HIVEP1: variants seen among roughly 807,000 people sequenced by gnomAD.
HIVEP1 encodes zinc finger protein 40.
In HIVEP1, 36 loss-of-function variants were observed where a neutral mutation model predicts 180.0. The ratio of observed to expected loss-of-function variants is 0.20; its 90% CI spans 0.15 to 0.26. The LOEUF is 0.26. HIVEP1 is among the 10% of genes least tolerant of loss of function. The probability of loss-of-function intolerance (pLI) is 1.00; values close to 1 mark genes in which losing one functional copy is unlikely to be tolerated. For missense variants in HIVEP1, 3,143 were observed against 3,268.7 expected (o/e 0.96, Z 0.94); for synonymous variants, 1,239 against 1,239.0 (o/e 1.00, Z 0.00).
chr6:12,139,495 G>A (rs542844828), intron 7 of HIVEP1, among the ~76,000 whole-genome samples: 2 of 152,198 alleles, frequency 1.3e-5, no homozygotes, highest in Non-Finnish European at 2.9e-5. Flanking sequence ...TGGACAGTGG[G>A]TGCAGCCCAC....
At chr6:12,167,581 C>CAT (rs55679474), downstream of HIVEP1, among the ~76,000 whole-genome samples, 54,415 of 64,530 alleles carry the variant, frequency 0.84, 25,411 homozygotes, top group Non-Finnish European at 0.89. Context: ...GTTATATATA[C>CAT]GTTATATTAC....
chr6:12,044,150 G>A (rs555271068), intron 2 of HIVEP1, among the ~76,000 whole-genome samples: 26 of 152,190 alleles, frequency 1.7e-4, no homozygotes, highest in African/African-American at 5.5e-4. Flanking sequence ...ATGGCACGGC[G>A]CAAATGGGTT....
chr6:12,136,341 C>T (rs1042672813), intron 7 of HIVEP1, among the ~76,000 whole-genome samples: 1 of 152,162 alleles, frequency 6.6e-6, no homozygotes, highest in African/African-American at 2.4e-5. Context: ...AGCCCTCACT[C>T]CCCACACAAA....
the HIVEP1 span, among the ~76,000 whole-genome samples, chr6:12,174,637 A>G: frequency 6.6e-6 from 1 of 152,214 alleles, no homozygotes; most frequent in Non-Finnish European, 1.5e-5. Context: ...ATCCTTCAAA[A>G]AAAGAAGAAG....
downstream of HIVEP1, among the ~76,000 whole-genome samples, chr6:12,168,653 TATG>T (rs1422793424): frequency 6.6e-6 from 1 of 151,962 alleles, no homozygotes; most frequent in African/African-American, 2.4e-5. Flanking sequence ...TTTGATCTCT[TATG>T]ATGCTGGGCA....
At chr6:12,143,374 T>G (rs1759171774) in intron 7 of HIVEP1, among the ~76,000 whole-genome samples, 1 of 152,188 alleles carries the variant, frequency 6.6e-6, no homozygotes, top group South Asian at 2.1e-4. Context: ...TAGGTATTGA[T>G]GGAACGTATC....
chr6:12,189,079 AATG>A, the HIVEP1 span, among the ~76,000 whole-genome samples: 10 of 152,164 alleles, frequency 6.6e-5, no homozygotes, highest in African/African-American at 2.2e-4. Flanking sequence ...TCACTAGAGA[AATG>A]ATGATTCATT....
chr6:12,052,913 T>C (rs928116992), intron 2 of HIVEP1, among the ~76,000 whole-genome samples: 1 of 152,256 alleles, frequency 6.6e-6, no homozygotes, highest in Non-Finnish European at 1.5e-5. Flanking sequence ...TAGGAAATGC[T>C]ATCTTTTGGA....
At chr6:12,069,777 T>A (rs890941070) in intron 2 of HIVEP1, among the ~76,000 whole-genome samples, 3 of 151,988 alleles carry the variant, frequency 2.0e-5, no homozygotes, top group Non-Finnish European at 4.4e-5. Context: ...AAATTAACTG[T>A]AGCTTACTGT....
chr6:12,195,117 C>T, the HIVEP1 span, among the ~76,000 whole-genome samples: 12 of 152,178 alleles, frequency 7.9e-5, no homozygotes, highest in African/African-American at 2.2e-4. Context: ...GTTAGAAATA[C>T]GTTTTCATCT....
the HIVEP1 span, among the ~76,000 whole-genome samples, chr6:12,170,176 G>A: frequency 6.6e-6 from 1 of 152,088 alleles, no homozygotes; most frequent in South Asian, 2.1e-4. Context: ...AATGATGCCT[G>A]TCCTTCAGGA....
chr6:12,030,034 T>C (rs1346970580), intron 2 of HIVEP1, among the ~76,000 whole-genome samples: 1 of 152,220 alleles, frequency 6.6e-6, no homozygotes, highest in Admixed American at 6.5e-5. Context: ...TTATTTTTCC[T>C]TCCGTTTTGA....
At chr6:12,093,841 A>G (rs987913824) in intron 3 of HIVEP1, among the ~76,000 whole-genome samples, 16 of 152,024 alleles carry the variant, frequency 1.1e-4, no homozygotes, top group African/African-American at 3.4e-4. Context: ...AGTAGGGCAG[A>G]TTCCTTGTGT....
At chr6:12,171,017 A>T in the HIVEP1 span, among the ~76,000 whole-genome samples, 2 of 152,170 alleles carry the variant, frequency 1.3e-5, no homozygotes, top group Non-Finnish European at 2.9e-5. Context: ...TGTCCAGAAG[A>T]TTCAACCAAG....
chr6:12,016,883 A>G (rs1452560571), intron 2 of HIVEP1, among the ~76,000 whole-genome samples: 1 of 152,194 alleles, frequency 6.6e-6, no homozygotes, highest in African/African-American at 2.4e-5. Context: ...CAAGGGTACC[A>G]GCTGAGGTGG....
At chr6:12,095,589 A>G (rs577627256) in intron 3 of HIVEP1, among the ~76,000 whole-genome samples, 1 of 150,800 alleles carries the variant, frequency 6.6e-6, no homozygotes, top group East Asian at 2.0e-4. Context: ...AAAACCATTT[A>G]GGATATCCAA....
intron 2 of HIVEP1, among the ~76,000 whole-genome samples, chr6:12,045,203 A>G (rs1196720540): frequency 6.6e-6 from 1 of 152,112 alleles, no homozygotes; most frequent in Non-Finnish European, 1.5e-5. Context: ...GCTTGGGTGA[A>G]TGTGTGTGTG....
intron 7 of HIVEP1, among the ~76,000 whole-genome samples, chr6:12,155,699 G>A (rs770945699): frequency 3.3e-5 from 5 of 151,458 alleles, no homozygotes; most frequent in African/African-American, 4.8e-5. Context: ...TTGCTATTAC[G>A]AATGAACATA....
At position 12,124,023 on chromosome 6, in the gene HIVEP1, C is replaced by T. The variant is rs760832981; in HGVS notation, c.4228C>T (p.Pro1410Ser). ...PLTELQPPSS[P>S]SRVGVTGHVP... Reference sequence around the variant, plus strand: ...TACTGAATTGCAGCCTCCATCTTCACCTTCTCGAGTGGGAGTGACTGGGCA... The same window carrying T: ...TACTGAATTGCAGCCTCCATCTTCATCTTCTCGAGTGGGAGTGACTGGGCA... The change falls in exon 4 of 9, where the codon CCT (proline) becomes TCT (serine). Residue 1410 changes from proline (P) to serine (S), a missense_variant. By Grantham distance (74) the Pro-to-Ser change is moderately conservative. Around this residue, in one of 12 missense-constraint regions of HIVEP1, gnomAD observed 1,357 missense variants for 1,260.5 expected, o/e 1.08. Transcript: ENST00000379388. The T allele has an allele frequency of 6.2e-6, 10 of 1,614,152 alleles. No individual in the cohort carries two copies. Among genetic ancestry groups the T allele is most frequent in the Middle Eastern group, 1.6e-4 (1 of 6,062 alleles).
Sources: gnomAD v4.1 joint callset for allele counts (sites outside exome capture counted in the v4.1 genomes callset) on GRCh38, gnomAD v4.1.1 for gene constraint, gnomAD v4.1.1 regional missense constraint, MANE v1.5 for transcripts, NCBI Gene and HGNC (gene_info 2026-07-23, HGNC 2026-07-21) for gene names.